FAT4: variants seen among roughly 807,000 people sequenced by gnomAD.
FAT4 encodes the protein FAT atypical cadherin 4.
FAT4 carries 84 observed loss-of-function variants against 303.9 expected under a neutral mutation model. That is an observed-to-expected ratio of 0.28 (90% CI 0.23 to 0.33). The LOEUF (loss-of-function observed/expected upper bound fraction) is 0.33, where lower values mean the gene tolerates loss of function less well. Ranked by LOEUF, FAT4 falls within the 10% of genes least tolerant of loss-of-function variation. The pLI is 1.00. For missense variants in FAT4, 6,005 were observed against 6,146.8 expected (o/e 0.98, Z 0.77); for synonymous variants, 2,307 against 2,298.8 (o/e 1.00, Z -0.10).
At chr4:125,447,205 C>T (rs1278325905) in intron 9 of FAT4, among the ~76,000 whole-genome samples, 2 of 151,978 alleles carry the variant, frequency 1.3e-5, no homozygotes, top group Non-Finnish European at 2.9e-5. Context: ...CTAAGAACTG[C>T]ACAAATCTGC....
intron 11 of FAT4, among the ~76,000 whole-genome samples, chr4:125,466,183 G>A (rs764538013): frequency 6.6e-6 from 1 of 152,048 alleles, no homozygotes; most frequent in Non-Finnish European, 1.5e-5. Flanking sequence ...TTATAAAGGC[G>A]ACATGTATAA....
At chr4:125,427,535 ATATT>A (rs1453398852) in intron 7 of FAT4, among the ~76,000 whole-genome samples, 1 of 148,544 alleles carries the variant, frequency 6.7e-6, no homozygotes, top group East Asian at 2.0e-4. Flanking sequence ...AGTGTTGTTA[ATATT>A]TAAATTGTTA....
chr4:125,328,194 T>C (rs1371677391), intron 2 of FAT4, among the ~76,000 whole-genome samples: 4 of 152,200 alleles, frequency 2.6e-5, no homozygotes, highest in Admixed American at 1.3e-4. Context: ...TTTAATAGTA[T>C]GTTGACTGAG....
rs570006124 is a variant in FAT4 at position 125,333,423 on chromosome 4, G to A, written c.5175+11837G>A. ...CATCATTTTAATGTGACGTCTTTTC[G>A]TGTGGATTTGTGGCAAATTGTAAAA... On this transcript the variant is annotated intron_variant, in intron 2 of 17. Transcript: ENST00000394329. Among the ~76,000 whole-genome samples the A allele has an allele frequency of 8.7e-4, 133 of 152,228 alleles. 3 individuals carry two copies. The South Asian group carries it at 0.024, about 28-fold the overall frequency.
intron 8 of FAT4, among the ~76,000 whole-genome samples, chr4:125,440,644 A>AGAGAGAGAGAGAGAGAGAGAGAGAG (rs1385928096): frequency 6.7e-6 from 1 of 149,578 alleles, no homozygotes; most frequent in African/African-American, 2.5e-5. Context: ...AGAGAGAGAG[A>AGAGAGAGAGAGAGAGAGAGAGAGAG]ATTTATTCCA....
chr4:125,490,272 C>T lies in FAT4; in HGVS notation c.13456C>T (p.Pro4486Ser). ...GGGGAAGGTGTGCAAAGCTGGAAGT[C>T]CTGCGGGGCATGTCTGTGTTCTGAG... The part of the protein sequence containing the change: ...PQGKVCKAGS[P>S]AGHVCVLSQG... The change falls in exon 18 of 18, where the codon CCT becomes TCT. Residue 4486 changes from proline to serine, a missense_variant. By Grantham distance (74) the Pro-to-Ser change is moderately conservative. Coordinates refer to ENST00000394329, the MANE Select transcript of FAT4 (RefSeq NM_001291303.3). 1 of 1,614,122 alleles carries T rather than the reference C, an allele frequency of 6.2e-7. No individual in the cohort carries two copies. The highest frequency in any genetic ancestry group is 8.5e-7 in the Non-Finnish European group (1 of 1,180,032).
chr4:125,460,053 AAAT>A (rs1020885748), intron 10 of FAT4, among the ~76,000 whole-genome samples: 66 of 152,168 alleles, frequency 4.3e-4, no homozygotes, highest in African/African-American at 1.5e-3. Context: ...CAGGTGTTTT[AAAT>A]AATAATTTAA....
intron 17 of FAT4, among the ~76,000 whole-genome samples, chr4:125,489,571 T>G (rs987734039): frequency 6.6e-6 from 1 of 152,102 alleles, no homozygotes; most frequent in African/African-American, 2.4e-5. Context: ...GTATATGGGA[T>G]GTAAAAAGGA....
At chr4:125,355,343 G>A (rs2125981181) in intron 2 of FAT4, among the ~76,000 whole-genome samples, 1 of 151,976 alleles carries the variant, frequency 6.6e-6, no homozygotes, top group South Asian at 2.1e-4. Flanking sequence ...ATATTTTAAT[G>A]TAACAAAAAA....
At chr4:125,327,447 A>G (rs6825641) in intron 2 of FAT4, among the ~76,000 whole-genome samples, 18,990 of 152,250 alleles carry the variant, frequency 0.12, 1,518 homozygotes, top group Admixed American at 0.17. Context: ...TTTGAAGTCA[A>G]GAGTGTTTCT....
intron 8 of FAT4, among the ~76,000 whole-genome samples, chr4:125,442,317 CT>C (rs959366947): frequency 1.8e-4 from 27 of 151,880 alleles, no homozygotes; most frequent in South Asian, 4.2e-4. Context: ...TTGTAATTAC[CT>C]TTTTTTTATA....
At chr4:125,332,159 CTTTT>C (rs199702900) in intron 2 of FAT4, among the ~76,000 whole-genome samples, 2 of 133,304 alleles carry the variant, frequency 1.5e-5, no homozygotes, top group African/African-American at 5.6e-5. Context: ...CCGTTCCATT[CTTTT>C]TTTTTTTTTT....
chr4:125,355,552 C>T (rs1422666290), intron 2 of FAT4, among the ~76,000 whole-genome samples: 2 of 151,942 alleles, frequency 1.3e-5, no homozygotes, highest in Non-Finnish European at 2.9e-5. Context: ...TTAACTTACG[C>T]TTTCTTATCT....
intron 16 of FAT4, among the ~76,000 whole-genome samples, chr4:125,483,510 C>T (rs1038853472): frequency 7.9e-5 from 12 of 152,056 alleles, no homozygotes; most frequent in Admixed American, 3.9e-4. Context: ...ACATTTTTTT[C>T]TTCACTAAGG....
chr4:125,411,744 A>G (rs562804304), intron 5 of FAT4, among the ~76,000 whole-genome samples: 126 of 148,148 alleles, frequency 8.5e-4, no homozygotes, highest in African/African-American at 2.9e-3. Context: ...ATATTTTTAT[A>G]TATTTATAAT....
Position 125,452,355 on chromosome 4 carries a change from C to T in FAT4, c.11345C>T (p.Ala3782Val), listed in dbSNP as rs1726119937. Residue 3782 changes from alanine (A) to valine (V), a missense_variant, in exon 10 of 18, where the codon GCC becomes GTC. Transcript: ENST00000394329. ...CAGTATGTGAATCCCAGTGGCGTAG[C>T]CACCTTCTTTGAAAGCATCAAAGAG... ...HNQYVNPSGV[A>V]TFFESIKEIL... 3 of 1,614,174 alleles carry T rather than the reference C, an allele frequency of 1.9e-6. No individual in the cohort carries two copies. The highest frequency in any genetic ancestry group is 2.5e-6 in the Non-Finnish European group (3 of 1,180,032).
intron 12 of FAT4, among the ~76,000 whole-genome samples, chr4:125,474,206 AATT>A: frequency 6.6e-6 from 1 of 152,156 alleles, no homozygotes; most frequent in East Asian, 1.9e-4. Flanking sequence ...ACTAAAATAT[AATT>A]ATGTTATCCA....
At chr4:125,348,572 C>T (rs1028926468) in intron 2 of FAT4, among the ~76,000 whole-genome samples, 1 of 151,574 alleles carries the variant, frequency 6.6e-6, no homozygotes, top group African/African-American at 2.4e-5. Flanking sequence ...GGTATGACCA[C>T]TCAAGGTAGT....
chr4:125,491,322 C>G lies in FAT4; in HGVS notation c.14506C>G (p.Pro4836Ala). The G allele has an allele frequency of 6.2e-7, 1 of 1,614,172 alleles. No individual in the cohort carries two copies. The highest frequency in any genetic ancestry group is 8.5e-7 in the Non-Finnish European group (1 of 1,180,036). The part of the protein sequence containing the change: ...SRTRNPADGI[P>A]APESSSDSDS... Reference sequence around the variant, plus strand: ...AACAAGGAATCCAGCGGATGGCATTCCAGCTCCAGAATCCTCTTCTGATAG... The same window carrying G: ...AACAAGGAATCCAGCGGATGGCATTGCAGCTCCAGAATCCTCTTCTGATAG... The change falls in exon 18 of 18, where the codon CCA becomes GCA. Residue 4836 changes from proline to alanine, a missense_variant. Pro to Ala is a conservative substitution (Grantham distance 27). Coordinates refer to ENST00000394329, the MANE Select transcript of FAT4 (RefSeq NM_001291303.3).
Sources: allele counts gnomAD v4.1 joint callset (sites outside exome capture counted in the v4.1 genomes callset), GRCh38; gene constraint gnomAD v4.1.1; transcripts MANE v1.5; gene names NCBI Gene and HGNC (gene_info 2026-07-23, HGNC 2026-07-21).